Variants in PVT1 observed in about 807,000 individuals in gnomAD.
PVT1 encodes Pvt1 oncogene, also known as CXCR4/PVT1 fusion.
intron 3 of PVT1, among the ~76,000 whole-genome samples, chr8:127,982,476 A>G (rs1405387538): frequency 6.6e-6 from 1 of 152,104 alleles, no homozygotes; most frequent in Non-Finnish European, 1.5e-5. Flanking sequence ...TGGCAGCCTC[A>G]CAGGTAACTT....
chr8:128,070,040 G>C (rs1481372069), intron 4 of PVT1: 1 of 152,012 alleles, frequency 6.6e-6, no homozygotes, highest in East Asian at 1.9e-4. Flanking sequence ...CCTGCATGAG[G>C]GCCTGCATGA....
In PVT1 at chr8:128,072,718, A is replaced by C. The variant is rs80287791; in HGVS notation, n.1114+2357A>C. Among the ~76,000 whole-genome samples, 410 of 152,296 alleles carry C rather than the reference A, an allele frequency of 2.7e-3. 12 individuals are homozygous for C. In the East Asian group the frequency reaches 0.065, roughly 24 times the overall value. ...GCTGGTGTTTTTAGAAGGCTGGTTA[A>C]CCACAGTGCCTAGCGGTTTGGGGAA... On this transcript the variant is annotated intron_variant and non_coding_transcript_variant, in intron 5 of 10. Coordinates refer to ENST00000651587, the Ensembl canonical transcript of PVT1.
intron 4 of PVT1, among the ~76,000 whole-genome samples, chr8:128,061,964 A>G (rs1813836811): frequency 6.6e-6 from 1 of 152,270 alleles, no homozygotes; most frequent in Non-Finnish European, 1.5e-5. Context: ...TAATTATCAC[A>G]TGACCTGACT....
At chr8:127,919,246 C>T (rs958636326) in intron 3 of PVT1, among the ~76,000 whole-genome samples, 1 of 152,208 alleles carries the variant, frequency 6.6e-6, no homozygotes, top group African/African-American at 2.4e-5. Context: ...TGTGCACATT[C>T]TAACACAGCA....
chr8:128,093,839 T>A (rs907451131), intron 5 of PVT1, among the ~76,000 whole-genome samples: 2 of 152,134 alleles, frequency 1.3e-5, no homozygotes, highest in Non-Finnish European at 2.9e-5. Context: ...GGTTTCACCA[T>A]ATTGGCCAGG....
At chr8:128,052,591 GCTCACATTACTCTT>G (rs1483876682) in intron 4 of PVT1, among the ~76,000 whole-genome samples, 1 of 152,090 alleles carries the variant, frequency 6.6e-6, no homozygotes, top group Non-Finnish European at 1.5e-5. Flanking sequence ...CTGCCATCTT[GCTCACATTACTCTT>G]CTCTTCATAG....
chr8:128,012,284 T>G (rs1046775884), intron 4 of PVT1, among the ~76,000 whole-genome samples: 1 of 152,220 alleles, frequency 6.6e-6, no homozygotes, highest in African/African-American at 2.4e-5. Context: ...GGGTCTCTAC[T>G]GTACTCTTTA....
intron 3 of PVT1, chr8:127,946,752 T>C (rs1816425535): frequency 6.5e-6 from 1 of 152,958 alleles, no homozygotes; most frequent in Non-Finnish European, 1.5e-5. Flanking sequence ...CTTTCTTTAA[T>C]TTGAAAGTAT....
Position 127,931,611 on chromosome 8 carries a change from G to A in PVT1, n.782+40613G>A, listed in dbSNP as rs1223151555. Among the ~76,000 whole-genome samples the A allele has an allele frequency of 2.0e-5, 3 of 152,350 alleles. No individual in the cohort carries two copies. In the East Asian group the frequency reaches 5.8e-4, roughly 29 times the overall value. On this transcript the variant is annotated intron_variant and non_coding_transcript_variant, in intron 3 of 10. Transcript: ENST00000651587. Reference sequence around the variant, plus strand: ...GCAGCTTGCCCAGATCACACAGCTGGAAAGTGGTAGAGCTGGAATCTGGAT... The same window carrying A: ...GCAGCTTGCCCAGATCACACAGCTGAAAAGTGGTAGAGCTGGAATCTGGAT...
intron 3 of PVT1, among the ~76,000 whole-genome samples, chr8:127,982,671 T>C (rs1374812477): frequency 6.9e-6 from 1 of 145,848 alleles, no homozygotes; most frequent in African/African-American, 2.8e-5. Flanking sequence ...AATTAATTAA[T>C]TAATTAATAA....
chr8:127,930,738 T>G (rs1298192464), intron 3 of PVT1, among the ~76,000 whole-genome samples: 5 of 152,100 alleles, frequency 3.3e-5, no homozygotes, highest in Non-Finnish European at 7.4e-5. Flanking sequence ...TCTGTCTGTG[T>G]AGAGCAGTGG....
At chr8:127,960,949 G>T (rs930247412) in intron 3 of PVT1, among the ~76,000 whole-genome samples, 3 of 131,006 alleles carry the variant, frequency 2.3e-5, no homozygotes, top group African/African-American at 5.6e-5. Flanking sequence ...GGGGTGGGGG[G>T]GGCGGGCGGG....
chr8:127,861,875 C>T (rs1815233043), intron 2 of PVT1, among the ~76,000 whole-genome samples: 1 of 152,188 alleles, frequency 6.6e-6, no homozygotes, highest in African/African-American at 2.4e-5. Context: ...TCCTGCGGGG[C>T]TTTCAGATTT....
intron 2 of PVT1, among the ~76,000 whole-genome samples, chr8:127,857,361 C>T (rs1310281142): frequency 6.6e-6 from 1 of 151,782 alleles, no homozygotes; most frequent in African/African-American, 2.4e-5. Flanking sequence ...CAGCTCGGTT[C>T]CCCCAGGGAC....
At chr8:127,918,556 A>G (rs1300938995) in intron 3 of PVT1, among the ~76,000 whole-genome samples, 1 of 152,206 alleles carries the variant, frequency 6.6e-6, no homozygotes, top group Non-Finnish European at 1.5e-5. Flanking sequence ...CCATTGTGCC[A>G]TAGCTCTAGA....
At chr8:127,832,221 C>A (rs1376806395) in intron 2 of PVT1, among the ~76,000 whole-genome samples, 1 of 152,082 alleles carries the variant, frequency 6.6e-6, no homozygotes, top group Non-Finnish European at 1.5e-5. Context: ...AGATTGTGAA[C>A]CCAGTGAAGG....
chr8:127,877,117 C>A (rs541262909), intron 2 of PVT1, among the ~76,000 whole-genome samples: 11 of 152,122 alleles, frequency 7.2e-5, no homozygotes, highest in African/African-American at 2.7e-4. Flanking sequence ...TTCCTCTCGC[C>A]GAGGAGGACA....
At chr8:128,084,222 G>A (rs1362582041) in intron 5 of PVT1, among the ~76,000 whole-genome samples, 1 of 152,164 alleles carries the variant, frequency 6.6e-6, no homozygotes, top group Non-Finnish European at 1.5e-5. Flanking sequence ...TCTGTCCTTA[G>A]TGAACCCCAG....
In PVT1 at chr8:127,997,051, TTTTTTGTTTGTTTG is replaced by T. The variant is rs1467935137; in HGVS notation, n.912+7766_912+7779del. Among the ~76,000 whole-genome samples the T allele has an allele frequency of 1.5e-5, 2 of 131,468 alleles. 1 individual carries two copies. Among genetic ancestry groups the T allele is most frequent in the Non-Finnish European group, 3.3e-5 (2 of 61,190 alleles). 86.2% of individuals were successfully genotyped at this position (131,468 alleles called of 152,430 possible). A position where few individuals can be genotyped will look rare whatever the true frequency, so the allele number is the denominator to read the frequency against. ...CACTGGTCATTTGCTTTCGTTTTTT[TTTTTTGTTTGTTTG>T]TTTTTTGATACAGAGTTTCACTCTT... On this transcript the variant is annotated intron_variant and non_coding_transcript_variant, in intron 4 of 10. Transcript: ENST00000651587.
Sources: gnomAD v4.1 joint callset for allele counts (sites outside exome capture counted in the v4.1 genomes callset) on GRCh38, gnomAD v4.1.1 for gene constraint, MANE v1.5 for transcripts, NCBI Gene and HGNC (gene_info 2026-07-23, HGNC 2026-07-21) for gene names.